Variants in STAT4 observed in about 807,000 individuals in gnomAD.
STAT4 encodes signal transducer and activator of transcription 4.
Under a neutral mutation model 110.5 loss-of-function variants are expected in STAT4, and 42 were observed. That is an observed-to-expected ratio of 0.38 (90% CI 0.30 to 0.49). STAT4 has a LOEUF of 0.49. Ranked by LOEUF, STAT4 falls within the 20% of genes least tolerant of loss-of-function variation. The probability of loss-of-function intolerance (pLI) is 0.95; values close to 1 mark genes in which losing one functional copy is unlikely to be tolerated. For synonymous variants in STAT4, 284 were observed against 302.2 expected (o/e 0.94, Z 0.63); for missense variants, 632 against 887.9 (o/e 0.71, Z 3.66).
intron 3 of STAT4, among the ~76,000 whole-genome samples, chr2:191,145,181 C>G (rs1333988521): frequency 1.3e-5 from 2 of 152,144 alleles, no homozygotes; most frequent in Admixed American, 1.3e-4. Context: ...CATGCTGTCT[C>G]TATCACAACT....
In STAT4 at chr2:191,065,026, A is replaced by C. The variant is rs965630632; in HGVS notation, c.631-68T>G. 18 of 1,426,996 alleles carry C rather than the reference A, an allele frequency of 1.3e-5. No homozygotes were observed. The African/African-American group carries it at 2.5e-4, about 20-fold the overall frequency. The allele number at this position is 1,426,996 out of a possible 1,614,324, so 88.4% of individuals were successfully genotyped here. The stretch of plus-strand genomic sequence containing the variant: ...AAGTCACTTAGAATTCAATTTACAA[A>C]ACTATTTGACCTGGTAGACAAAGGC... On this transcript the variant is annotated intron_variant, in intron 7 of 23. Coordinates refer to ENST00000392320, the MANE Select transcript of STAT4 (RefSeq NM_003151.4).
intron 3 of STAT4, among the ~76,000 whole-genome samples, chr2:191,137,631 T>C (rs568096589): frequency 3.9e-5 from 6 of 152,218 alleles, no homozygotes; most frequent in African/African-American, 1.2e-4. Flanking sequence ...TATAAGACTA[T>C]AGTAACCAAA....
chr2:191,057,501 A>G (rs1263783587), intron 13 of STAT4, among the ~76,000 whole-genome samples: 1 of 151,778 alleles, frequency 6.6e-6, no homozygotes, highest in Non-Finnish European at 1.5e-5. Flanking sequence ...CTTCTGAGTC[A>G]AGGTTCAGTG....
At chr2:191,064,291 C>T (rs1242010167) in intron 8 of STAT4, among the ~76,000 whole-genome samples, 1 of 152,200 alleles carries the variant, frequency 6.6e-6, no homozygotes, top group Non-Finnish European at 1.5e-5. Context: ...CTATTAAAAT[C>T]TACTTTCTTA....
chr2:191,041,019 C>A (rs1574700229), intron 15 of STAT4, 46 bp downstream of exon 15: 2 of 1,276,910 alleles, frequency 1.6e-6, no homozygotes, highest in Non-Finnish European at 2.1e-6. Context: ...CTGACCAATT[C>A]TTGCAAATGC....
Position 191,031,630 on chromosome 2 carries a change from C to A in STAT4, c.2045-114G>T. 1 of 821,316 alleles carries A rather than the reference C, an allele frequency of 1.2e-6. No individual in the cohort carries two copies. The highest frequency in any genetic ancestry group is 1.9e-6 in the Non-Finnish European group (1 of 514,366). 50.9% of individuals were successfully genotyped at this position (821,316 alleles called of 1,614,324 possible). ...AATGATAAGAGGAAGAGAGATAACG[C>A]AGTTGTTCGGTGATACACAGAAATG... is the stretch of plus-strand genomic sequence containing the variant. On this transcript the variant is annotated intron_variant, in intron 21 of 23. Transcript: ENST00000392320. The surrounding 1 kb of genome is among the most constrained non-coding windows in gnomAD (Gnocchi z 4.8).
At chr2:191,070,470 T>C (rs1007942678) in intron 5 of STAT4, among the ~76,000 whole-genome samples, 3 of 152,128 alleles carry the variant, frequency 2.0e-5, no homozygotes, top group African/African-American at 4.8e-5. Context: ...TTGTCCAAGG[T>C]CACTCAGGTG....
chr2:191,087,523 C>T (rs2125299600), intron 3 of STAT4, among the ~76,000 whole-genome samples: 1 of 152,232 alleles, frequency 6.6e-6, no homozygotes, highest in South Asian at 2.1e-4. Flanking sequence ...CCCACTACCC[C>T]ATCCAGGACA....
Position 191,031,562 on chromosome 2 carries a change from T to TATCA in STAT4, c.2045-50_2045-47dup, listed in dbSNP as rs1559035365. 6.6e-7 allele frequency: 1 copy of TATCA among 1,526,316 alleles called. No individual in the cohort carries two copies. The highest frequency in any genetic ancestry group is 1.2e-5 in the South Asian group (1 of 86,708). 94.5% of individuals were successfully genotyped at this position (1,526,316 alleles called of 1,614,324 possible). A position where few individuals can be genotyped will look rare whatever the true frequency, so the allele number is the denominator to read the frequency against. On this transcript the variant is annotated intron_variant, in intron 21 of 23. Coordinates refer to ENST00000392320, the MANE Select transcript of STAT4 (RefSeq NM_003151.4). This position sits in a 1 kb window ranked among gnomAD's most constrained non-coding sequence, Gnocchi z 4.8. ...ATGTTGGGGAAAAAAATGTCAATATTATCAATAAAACTGGGGAAAAAAGAG... is the reference window on the plus strand; with the variant it reads ...ATGTTGGGGAAAAAAATGTCAATATTATCAATCAATAAAACTGGGGAAAAAAGAG...
At chr2:191,101,882 T>C (rs1698157648) in intron 3 of STAT4, among the ~76,000 whole-genome samples, 1 of 152,162 alleles carries the variant, frequency 6.6e-6, no homozygotes, top group South Asian at 2.1e-4. Context: ...ATATGACATG[T>C]CCTTAGGACT....
chr2:191,132,749 G>A (rs1699069456), intron 3 of STAT4, among the ~76,000 whole-genome samples: 1 of 146,220 alleles, frequency 6.8e-6, no homozygotes, highest in African/African-American at 2.6e-5. Context: ...ATCTCTTAAT[G>A]GTTTTCTTTT....
At chr2:191,038,647 G>A (rs1185916418) in intron 16 of STAT4, among the ~76,000 whole-genome samples, 5 of 152,150 alleles carry the variant, frequency 3.3e-5, no homozygotes, top group Non-Finnish European at 4.4e-5. Context: ...TTCACTGCTT[G>A]CTTTGTGACT....
At position 191,030,746 on chromosome 2, in the gene STAT4, A is replaced by G; in HGVS notation, c.2220+226T>C. The stretch of plus-strand genomic sequence containing the variant: ...TTTGCCCTCTGGTGGTTTCTGGTGG[A>G]AACAACGTAAAGCAGTTTAAGTAAC... On this transcript the variant is annotated intron_variant, in intron 23 of 23. Coordinates refer to ENST00000392320, the MANE Select transcript of STAT4 (RefSeq NM_003151.4). The surrounding 1 kb of genome is among the most constrained non-coding windows in gnomAD (Gnocchi z 4.4). 2.3e-6 allele frequency: 1 copy of G among 440,996 alleles called. No homozygotes were observed. Among genetic ancestry groups the G allele is most frequent in the Non-Finnish European group, 4.2e-6 (1 of 239,506 alleles). 27.3% of individuals were successfully genotyped at this position (440,996 alleles called of 1,614,324 possible).
intron 5 of STAT4, among the ~76,000 whole-genome samples, chr2:191,072,677 T>C (rs1252599822): frequency 3.9e-5 from 6 of 152,112 alleles, no homozygotes; most frequent in African/African-American, 1.4e-4. Flanking sequence ...AATTGATAAA[T>C]CTCTAGATAG....
Position 191,035,106 on chromosome 2 carries a change from A to T in STAT4, c.1571-509T>A, listed in dbSNP as rs1696008329. On this transcript the variant is annotated intron_variant, in intron 17 of 23. Transcript: ENST00000392320. This position sits in a 1 kb window ranked among gnomAD's most constrained non-coding sequence, Gnocchi z 4.7. ...TAGATAGTAGCCATTGGCTGTTTTG[A>T]TCCAGAGCAGTGAAAGGATGCAAGA... Among the ~76,000 whole-genome samples, 1 of 152,224 alleles carries T rather than the reference A, an allele frequency of 6.6e-6. No homozygotes were observed. The highest frequency in any genetic ancestry group is 1.5e-5 in the Non-Finnish European group (1 of 68,034).
chr2:191,089,259 G>A (rs978220111), intron 3 of STAT4, among the ~76,000 whole-genome samples: 4 of 152,130 alleles, frequency 2.6e-5, no homozygotes, highest in African/African-American at 9.7e-5. Context: ...CATAATAGAT[G>A]TCTCACCAAA....
intron 13 of STAT4, 98 bp downstream of exon 13, chr2:191,057,920 A>G (rs1487900863): frequency 1.8e-6 from 2 of 1,122,048 alleles, no homozygotes; most frequent in East Asian, 5.0e-5. Context: ...CAAATAAGAA[A>G]TATTTAAGCA....
chr2:191,140,597 G>A lies in STAT4; in HGVS notation c.273+6016C>T, dbSNP rs771264995. The stretch of plus-strand genomic sequence containing the variant: ...ATGAAAAAGTCAAAAACCAATAGAC[G>A]CTGGCATGGATGTAGTGAAAAGGGA... On this transcript the variant is annotated intron_variant, in intron 3 of 23. Coordinates refer to ENST00000392320, the MANE Select transcript of STAT4 (RefSeq NM_003151.4). The surrounding 1 kb of genome is among the most constrained non-coding windows in gnomAD (Gnocchi z 4.4). Among the ~76,000 whole-genome samples, 9 of 152,112 alleles carry A rather than the reference G, an allele frequency of 5.9e-5. No homozygotes were observed. The highest frequency in any genetic ancestry group is 2.1e-4 in the South Asian group (1 of 4,820).
At chr2:191,109,944 C>A (rs777235858) in intron 3 of STAT4, among the ~76,000 whole-genome samples, 39 of 152,130 alleles carry the variant, frequency 2.6e-4, no homozygotes, top group Non-Finnish European at 7.4e-5. Flanking sequence ...AACGCTCTAG[C>A]TAGTCTAAAC....
Sources: allele counts gnomAD v4.1 joint callset (sites outside exome capture counted in the v4.1 genomes callset), GRCh38; gene constraint gnomAD v4.1.1; non-coding constraint Gnocchi (gnomAD v3.1); transcripts MANE v1.5; gene names NCBI Gene and HGNC (gene_info 2026-07-23, HGNC 2026-07-21).